The following CSMD3 variants were observed in gnomAD, a reference collection of about 807,000 sequenced individuals.
CSMD3 encodes the protein CUB and sushi domain-containing protein 3.
A neutral mutation model predicts 435.2 loss-of-function variants in CSMD3; 177 were observed. The ratio of observed to expected loss-of-function variants is 0.41; its 90% confidence interval spans 0.36 to 0.46. The LOEUF (loss-of-function observed/expected upper bound fraction) is 0.46, where lower values mean the gene tolerates loss of function less well. Ranked by LOEUF, CSMD3 falls within the 20% of genes least tolerant of loss-of-function variation. The pLI, the probability that CSMD3 is intolerant of heterozygous loss-of-function variation, is 0.34. For synonymous variants in CSMD3, 1,656 were observed against 1,520.5 expected (o/e 1.09, Z -2.07); for missense variants, 4,265 against 4,504.6 (o/e 0.95, Z 1.52).
At chr8:113,274,685 C>CTCATAGTAGTTAA (rs2093555841) in intron 3 of CSMD3, among the ~76,000 whole-genome samples, 2 of 151,982 alleles carry the variant, frequency 1.3e-5, no homozygotes, top group African/African-American at 4.8e-5. Flanking sequence ...CTTGAAAGAT[C>CTCATAGTAGTTAA]TCATAGTAGT....
chr8:113,396,671 T>C (rs1312132792), intron 1 of CSMD3, among the ~76,000 whole-genome samples: 3 of 152,176 alleles, frequency 2.0e-5, no homozygotes, highest in Non-Finnish European at 4.4e-5. Context: ...TTTTAAACAG[T>C]TGATTAATTC....
chr8:113,106,835 T>C (rs546755155), intron 4 of CSMD3, among the ~76,000 whole-genome samples: 1 of 151,208 alleles, frequency 6.6e-6, no homozygotes, highest in African/African-American at 2.4e-5. Flanking sequence ...ACATTCTTTA[T>C]TCTCTTTCTT....
intron 31 of CSMD3, among the ~76,000 whole-genome samples, chr8:112,486,153 C>G (rs542825218): frequency 1.4e-4 from 20 of 147,084 alleles, no homozygotes; most frequent in Non-Finnish European, 2.8e-4. Context: ...TCTCTTAATT[C>G]TCATACTTAG....
chr8:113,071,733 G>C (rs1252701916), intron 5 of CSMD3, among the ~76,000 whole-genome samples: 1 of 151,808 alleles, frequency 6.6e-6, no homozygotes, highest in African/African-American at 2.4e-5. Flanking sequence ...CAATTAGAAA[G>C]CTTGATGCCT....
At chr8:112,326,506 T>G (rs531847681) in intron 45 of CSMD3, among the ~76,000 whole-genome samples, 2 of 152,246 alleles carry the variant, frequency 1.3e-5, no homozygotes, top group Non-Finnish European at 1.5e-5. Context: ...TATTATAAAG[T>G]GCTTAGAATA....
intron 13 of CSMD3, among the ~76,000 whole-genome samples, chr8:112,792,266 G>A (rs1311624305): frequency 6.6e-6 from 1 of 152,048 alleles, no homozygotes; most frequent in Admixed American, 6.6e-5. Flanking sequence ...AGCAGCTTAT[G>A]TGACAAAAAT....
At chr8:112,876,837 A>G (rs568025887) in intron 10 of CSMD3, among the ~76,000 whole-genome samples, 1 of 152,334 alleles carries the variant, frequency 6.6e-6, no homozygotes, top group Non-Finnish European at 1.5e-5. Flanking sequence ...TGCAGATGAC[A>G]TGATTGTATA....
At chr8:112,531,928 G>T (rs1201532870) in intron 27 of CSMD3, among the ~76,000 whole-genome samples, 1 of 151,930 alleles carries the variant, frequency 6.6e-6, no homozygotes, top group Non-Finnish European at 1.5e-5. Flanking sequence ...CAACCTTTTG[G>T]TGCATTCAAA....
intron 66 of CSMD3, among the ~76,000 whole-genome samples, chr8:112,238,163 A>G (rs748637335): frequency 2.6e-5 from 4 of 152,032 alleles, no homozygotes; most frequent in Non-Finnish European, 4.4e-5. Flanking sequence ...GAGGTATAGG[A>G]TTAATCCTAT....
At chr8:112,426,585 C>A (rs12675142) in intron 32 of CSMD3, among the ~76,000 whole-genome samples, 1 of 152,000 alleles carries the variant, frequency 6.6e-6, no homozygotes, top group Admixed American at 6.6e-5. Context: ...TAGCTAATGT[C>A]TATTCATCTT....
intron 10 of CSMD3, among the ~76,000 whole-genome samples, chr8:112,905,321 T>C (rs199573588): frequency 7.8e-4 from 113 of 145,672 alleles, no homozygotes; most frequent in African/African-American, 2.2e-3. Context: ...TATATATATA[T>C]ACACACACAC....
rs374994597 is a variant in CSMD3, at chr8:112,896,840, C to A, written c.1633+24787G>T. On this transcript the variant is annotated intron_variant, in intron 10 of 70. Transcript: ENST00000297405. ...GCCTCTATAAAAAACAATGACTTCTCATTGCTCTTAGAATAAAAACAAGCT... is the reference window on the plus strand; with the variant it reads ...GCCTCTATAAAAAACAATGACTTCTAATTGCTCTTAGAATAAAAACAAGCT... Among the ~76,000 whole-genome samples the A allele has an allele frequency of 2.0e-5, 3 of 151,436 alleles. No homozygotes were observed. The East Asian group carries it at 5.9e-4, about 30-fold the overall frequency.
At chr8:113,242,368 C>T (rs2093228578) in intron 3 of CSMD3, among the ~76,000 whole-genome samples, 1 of 151,918 alleles carries the variant, frequency 6.6e-6, no homozygotes, top group South Asian at 2.1e-4. Context: ...ATGTTTTCAA[C>T]TTATTGCAAC....
At chr8:113,251,290 C>T (rs1481317851) in intron 3 of CSMD3, among the ~76,000 whole-genome samples, 1 of 152,014 alleles carries the variant, frequency 6.6e-6, no homozygotes, top group Non-Finnish European at 1.5e-5. Context: ...GAATTTCATA[C>T]ATGAAAGTAA....
At chr8:113,349,225 C>G (rs1296673654) in intron 1 of CSMD3, among the ~76,000 whole-genome samples, 1 of 151,970 alleles carries the variant, frequency 6.6e-6, no homozygotes, top group African/African-American at 2.4e-5. Context: ...TAACACTGAC[C>G]AACACTTGTG....
intron 1 of CSMD3, among the ~76,000 whole-genome samples, chr8:113,349,091 C>T (rs2094172417): frequency 6.6e-6 from 1 of 151,938 alleles, no homozygotes; most frequent in Non-Finnish European, 1.5e-5. Flanking sequence ...TATGTATATA[C>T]CATCCTCTGA....
intron 3 of CSMD3, among the ~76,000 whole-genome samples, chr8:113,180,481 T>C (rs780713697): frequency 2.0e-4 from 31 of 152,024 alleles, no homozygotes; most frequent in Non-Finnish European, 3.8e-4. Flanking sequence ...AATTTATTTC[T>C]ATATACATTT....
At chr8:112,551,478 T>C (rs1336672380) in intron 26 of CSMD3, among the ~76,000 whole-genome samples, 1 of 152,122 alleles carries the variant, frequency 6.6e-6, no homozygotes, top group African/African-American at 2.4e-5. Context: ...AATCTAATTA[T>C]ATTGACATGC....
Position 112,506,683 on chromosome 8 carries a change from G to A in CSMD3, c.4895+8C>T, listed in dbSNP as rs1265950979. The A allele has an allele frequency of 2.5e-6, 4 of 1,612,882 alleles. No individual in the cohort carries two copies. Among genetic ancestry groups the A allele is most frequent in the Admixed American group, 1.7e-5 (1 of 59,958 alleles). On this transcript the variant is annotated splice_region_variant and intron_variant, in intron 29 of 70. Transcript: ENST00000297405. ...TTTTAACGTGGAAATAAATATATAA[G>A]AACTCACCTGATGAACGCCAAGGAG...
Sources: gnomAD v4.1 joint callset for allele counts (sites outside exome capture counted in the v4.1 genomes callset) on GRCh38, gnomAD v4.1.1 for gene constraint, MANE v1.5 for transcripts, NCBI Gene and HGNC (gene_info 2026-07-23, HGNC 2026-07-21) for gene names.